Variants in DNTTIP1 observed in about 807,000 individuals in gnomAD.
DNTTIP1 encodes deoxynucleotidyltransferase terminal-interacting protein 1.
In DNTTIP1, 22 loss-of-function variants were observed where a neutral mutation model predicts 52.9. The ratio of observed to expected loss-of-function variants is 0.42; its 90% confidence interval spans 0.30 to 0.59. The LOEUF is 0.59. DNTTIP1 is among the 20% of genes least tolerant of loss of function. DNTTIP1 has a pLI of 0.22. For synonymous variants in DNTTIP1, 136 were observed against 155.1 expected (o/e 0.88, Z 0.92); for missense variants, 286 against 435.5 (o/e 0.66, Z 3.06).
chr20:45,798,254 T>C (rs1254375584), intron 4 of DNTTIP1, among the ~76,000 whole-genome samples: 3 of 151,096 alleles, frequency 2.0e-5, no homozygotes, highest in Admixed American at 6.6e-5. Context: ...ACACCGCATG[T>C]TCTCACTCAT....
chr20:45,792,474 G>A, intron 1 of DNTTIP1: 1 of 513,914 alleles, frequency 1.9e-6, no homozygotes, highest in East Asian at 3.3e-5. Flanking sequence ...AGAAGGCAGG[G>A]TCGGGACTTT....
chr20:45,799,478 C>T (rs1427787597), intron 4 of DNTTIP1, among the ~76,000 whole-genome samples: 3 of 152,174 alleles, frequency 2.0e-5, no homozygotes, highest in Non-Finnish European at 4.4e-5. Flanking sequence ...GCCAGGTGTT[C>T]CCACCTTTGA....
At chr20:45,810,810 G>C (rs1981811362) in intron 11 of DNTTIP1, 75 bp from the exon 12 acceptor site, 2 of 1,359,942 alleles carry the variant, frequency 1.5e-6, no homozygotes, top group Admixed American at 3.4e-5. Context: ...ACATTAAACA[G>C]ATGTTTAATG....
intron 4 of DNTTIP1, among the ~76,000 whole-genome samples, chr20:45,800,721 A>T (rs1601028460): frequency 1.4e-4 from 2 of 14,538 alleles, no homozygotes; most frequent in Admixed American, 1.3e-3. Context: ...ATATATATAT[A>T]TATATATATA....
At chr20:45,798,457 AT>A (rs1981316737) in intron 4 of DNTTIP1, among the ~76,000 whole-genome samples, 2 of 152,076 alleles carry the variant, frequency 1.3e-5, no homozygotes, top group African/African-American at 4.8e-5. Flanking sequence ...TGTTGTGCAC[AT>A]GTACCCTAAA....
chr20:45,807,340 T>A lies in DNTTIP1; in HGVS notation c.724-1774T>A, dbSNP rs569130834. Among the ~76,000 whole-genome samples, 8 of 152,210 alleles carry A rather than the reference T, an allele frequency of 5.3e-5. No homozygotes were observed. The East Asian group carries it at 1.4e-3, about 26-fold the overall frequency. ...TTTCACCATCTTGGCCAGGCTGCTC[T>A]CAAACTCCTGAGCTCAGATGATCCA... On this transcript the variant is annotated intron_variant, in intron 10 of 12. Transcript: ENST00000372622.
intron 2 of DNTTIP1, among the ~76,000 whole-genome samples, chr20:45,793,285 G>A (rs1264378647): frequency 6.6e-6 from 1 of 152,066 alleles, no homozygotes; most frequent in African/African-American, 2.4e-5. Context: ...ACTTTGGGCC[G>A]GGCGCGGTGG....
chr20:45,801,392 T>G lies in DNTTIP1; in HGVS notation c.442-10T>G, dbSNP rs1981465004. ...TGGCCTTCCACTGACTCCCTTCCCT[T>G]TTCTTTTAGCGTGGCCGTCAGGCAG... On this transcript the variant is annotated splice_polypyrimidine_tract_variant and intron_variant, in intron 5 of 12. Transcript: ENST00000372622. 1 of 1,614,118 alleles carries G rather than the reference T, an allele frequency of 6.2e-7. No homozygotes were observed. Among genetic ancestry groups the G allele is most frequent in the Non-Finnish European group, 8.5e-7 (1 of 1,180,002 alleles).
At chr20:45,806,881 G>A (rs1185001373) in intron 10 of DNTTIP1, among the ~76,000 whole-genome samples, 1 of 152,094 alleles carries the variant, frequency 6.6e-6, no homozygotes, top group African/African-American at 2.4e-5. Context: ...TCCTCCAAGA[G>A]CTTTGTTTGT....
intron 4 of DNTTIP1, among the ~76,000 whole-genome samples, chr20:45,800,203 T>C (rs1471182160): frequency 6.6e-6 from 1 of 152,120 alleles, no homozygotes; most frequent in Non-Finnish European, 1.5e-5. Context: ...AAACATACAG[T>C]ATGTATTTAC....
At position 45,793,905 on chromosome 20, in the gene DNTTIP1, T is replaced by G; in HGVS notation, c.177-16T>G. On this transcript the variant is annotated splice_polypyrimidine_tract_variant and intron_variant, in intron 2 of 12. Transcript: ENST00000372622. ...TTGGGACATGCCCCCTCACCCTGTC[T>G]CCCTCCTGAATGCAGTTTCACAGAT... 6.4e-7 allele frequency: 1 copy of G among 1,554,410 alleles called. No homozygotes were observed. The highest frequency in any genetic ancestry group is 8.8e-7 in the Non-Finnish European group (1 of 1,142,098).
chr20:45,800,697 ATATATATATATATATATATATATATAT>A (rs1568707773), intron 4 of DNTTIP1, among the ~76,000 whole-genome samples: 488 of 5,838 alleles, frequency 0.084, 63 homozygotes, highest in East Asian at 0.42. Context: ...AAAAAAAAAT[ATATATATATATATATATATATATATAT>A]ATATATATAT....
intron 7 of DNTTIP1, chr20:45,803,014 C>G (rs1468345614): frequency 3.2e-6 from 1 of 309,126 alleles, no homozygotes; most frequent in Non-Finnish European, 6.2e-6. Context: ...GTGTCTCCTA[C>G]ACGAAGCAGT....
chr20:45,807,272 C>G (rs755366914), intron 10 of DNTTIP1, among the ~76,000 whole-genome samples: 1 of 152,046 alleles, frequency 6.6e-6, no homozygotes, highest in Non-Finnish European at 1.5e-5. Flanking sequence ...CAGGTGCCCA[C>G]CACCATGCCC....
At chr20:45,794,517 T>TAAAA (rs201746242) in intron 3 of DNTTIP1, among the ~76,000 whole-genome samples, 6 of 151,024 alleles carry the variant, frequency 4.0e-5, no homozygotes, top group Non-Finnish European at 7.4e-5. Context: ...CTTTTTTTTT[T>TAAAA]AAAATCTGCC....
At chr20:45,799,491 T>C (rs535023175) in intron 4 of DNTTIP1, among the ~76,000 whole-genome samples, 1 of 152,324 alleles carries the variant, frequency 6.6e-6, no homozygotes, top group South Asian at 2.1e-4. Flanking sequence ...ACCTTTGAGC[T>C]TCTGCACTCC....
chr20:45,793,928 G>C lies in DNTTIP1; in HGVS notation c.184G>C (p.Asp62His). ...RRSQMTTSFT[D>H]PAISMDLLRA... ...TCTCCCTCCTGAATGCAGTTTCACAGATCCTGCCATCTCCATGGATCTCCT... is the reference window on the plus strand; with the variant it reads ...TCTCCCTCCTGAATGCAGTTTCACACATCCTGCCATCTCCATGGATCTCCT... Residue 62 changes from aspartate (D) to histidine (H), a missense_variant, in exon 3 of 13, where the codon GAT becomes CAT. Physicochemically the swap from Asp to His is moderately conservative, Grantham distance 81. Coordinates refer to ENST00000372622, the MANE Select transcript of DNTTIP1 (RefSeq NM_052951.3). 1.9e-6 allele frequency: 3 copies of C among 1,590,374 alleles called. No homozygotes were observed. Among genetic ancestry groups the C allele is most frequent in the Non-Finnish European group, 2.6e-6 (3 of 1,167,964 alleles).
At chr20:45,803,058 G>T in intron 7 of DNTTIP1, 1 of 428,814 alleles carries the variant, frequency 2.3e-6, no homozygotes, top group Non-Finnish European at 4.3e-6. Flanking sequence ...AGGTAGGGCA[G>T]TTGCTGTTTT....
At chr20:45,810,730 T>C (rs1160302466) in intron 11 of DNTTIP1, among the ~76,000 whole-genome samples, 155 bp from the exon 12 acceptor site, 2 of 152,188 alleles carry the variant, frequency 1.3e-5, no homozygotes, top group Middle Eastern at 3.4e-3. Context: ...ACCATTCCCA[T>C]CCCTCCCCAC....
Sources: gnomAD v4.1 joint callset for allele counts (sites outside exome capture counted in the v4.1 genomes callset) on GRCh38, gnomAD v4.1.1 for gene constraint, MANE v1.5 for transcripts, NCBI Gene and HGNC (gene_info 2026-07-23, HGNC 2026-07-21) for gene names.